Variants in DGKB observed in about 807,000 individuals in gnomAD.
DGKB encodes the protein 90 kDa diacylglycerol kinase.
DGKB carries 67 observed loss-of-function variants against 114.3 expected under a neutral mutation model. That is an observed-to-expected ratio of 0.59 (90% confidence interval 0.48 to 0.72). The LOEUF (loss-of-function observed/expected upper bound fraction) is 0.72, where lower values mean the gene tolerates loss of function less well. Among genes scored for constraint, DGKB ranks in the 30% least tolerant of loss-of-function variants. The probability of loss-of-function intolerance (pLI) is 0.00; values close to 1 mark genes in which losing one functional copy is unlikely to be tolerated. For synonymous variants in DGKB, 398 were observed against 323.1 expected (o/e 1.23, Z -2.49); for missense variants, 907 against 975.2 (o/e 0.93, Z 0.93).
chr7:14,516,754 C>A (rs1788857198), intron 20 of DGKB, among the ~76,000 whole-genome samples: 1 of 152,020 alleles, frequency 6.6e-6, no homozygotes, highest in Non-Finnish European at 1.5e-5. Context: ...AGTAGTATAT[C>A]AGATCAAGGA....
intron 1 of DGKB, among the ~76,000 whole-genome samples, chr7:14,959,334 A>G (rs1786703613): frequency 6.6e-6 from 1 of 151,052 alleles, no homozygotes; most frequent in African/African-American, 2.4e-5. Flanking sequence ...CTGATTTTAT[A>G]CCTAGCTGAC....
intron 23 of DGKB, among the ~76,000 whole-genome samples, chr7:14,236,351 A>AGC (rs1554298719): frequency 6.6e-6 from 1 of 151,026 alleles, no homozygotes; most frequent in African/African-American, 2.4e-5. Flanking sequence ...TAATAAAAAA[A>AGC]AAGCTATTAT....
At chr7:14,605,880 C>A (rs1188504241) in intron 17 of DGKB, among the ~76,000 whole-genome samples, 1 of 152,056 alleles carries the variant, frequency 6.6e-6, no homozygotes. Flanking sequence ...AGGCATTATC[C>A]CATTTAACTT....
At chr7:14,150,080 A>G (rs1373615164) in intron 25 of DGKB, among the ~76,000 whole-genome samples, 1 of 152,156 alleles carries the variant, frequency 6.6e-6, no homozygotes. Context: ...TGACTTTAAG[A>G]TACATTGTAA....
chr7:14,367,227 C>T (rs1377114137), intron 21 of DGKB, among the ~76,000 whole-genome samples: 3 of 152,032 alleles, frequency 2.0e-5, no homozygotes, highest in Admixed American at 6.6e-5. Flanking sequence ...ATGTTTAAGG[C>T]AGGCTAGGTG....
chr7:14,629,641 T>C (rs372052256), intron 14 of DGKB, among the ~76,000 whole-genome samples: 163 of 152,198 alleles, frequency 1.1e-3, no homozygotes, highest in African/African-American at 3.7e-3. Context: ...GCATCATCAA[T>C]GCAAAGGTAA....
intron 20 of DGKB, among the ~76,000 whole-genome samples, chr7:14,543,428 G>A (rs1385735998): frequency 6.6e-6 from 1 of 151,938 alleles, no homozygotes; most frequent in Non-Finnish European, 1.5e-5. Flanking sequence ...GTGGACGACA[G>A]AGTGACACCC....
chr7:14,182,276 A>G (rs1234212870), intron 23 of DGKB, among the ~76,000 whole-genome samples: 1 of 151,926 alleles, frequency 6.6e-6, no homozygotes, highest in African/African-American at 2.4e-5. Context: ...TATATTCATT[A>G]TGTCAAATTT....
intron 5 of DGKB, among the ~76,000 whole-genome samples, chr7:14,734,884 C>A (rs1235254304): frequency 1.3e-5 from 2 of 152,174 alleles, no homozygotes; most frequent in South Asian, 2.1e-4. Context: ...TTCTTCATTG[C>A]CAGTGGATTC....
chr7:14,347,015 A>T (rs1273651463), intron 21 of DGKB, among the ~76,000 whole-genome samples: 2 of 152,012 alleles, frequency 1.3e-5, no homozygotes, highest in African/African-American at 4.8e-5. Flanking sequence ...TAATGAGAAC[A>T]CTCTCTCTGT....
intron 2 of DGKB, among the ~76,000 whole-genome samples, chr7:14,839,547 G>T (rs562347558): frequency 6.6e-6 from 1 of 151,320 alleles, no homozygotes; most frequent in Admixed American, 6.6e-5. Context: ...GACTACATGT[G>T]CATGCCAGCC....
chr7:14,971,373 C>T (rs540189402), intron 1 of DGKB, among the ~76,000 whole-genome samples: 4 of 152,236 alleles, frequency 2.6e-5, no homozygotes, highest in East Asian at 1.9e-4. Flanking sequence ...TTCCTACCTC[C>T]GTTTCCACTT....
rs184627213 is a variant in DGKB, at chr7:14,566,969, T to C, written c.1770+7243A>G. ...TTGTTTTCTTTCACAGCATTTATCA[T>C]AATTTTCAAAAATGTTGTATTTGTG... On this transcript the variant is annotated intron_variant, in intron 20 of 25. Transcript: ENST00000402815. 4.7e-5 allele frequency among the ~76,000 whole-genome samples: 7 copies of C among 149,346 alleles called. 1 individual carries two copies. The highest frequency in any genetic ancestry group is 1.5e-4 in the African/African-American group (6 of 40,530).
At chr7:14,250,314 C>G (rs1299990436) in intron 23 of DGKB, among the ~76,000 whole-genome samples, 2 of 151,814 alleles carry the variant, frequency 1.3e-5, no homozygotes, top group Middle Eastern at 3.2e-3. Flanking sequence ...CTTAGAACTG[C>G]TTTTGCCGTA....
intron 23 of DGKB, among the ~76,000 whole-genome samples, chr7:14,236,351 A>C (rs183863479): frequency 4.6e-5 from 7 of 151,026 alleles, no homozygotes; most frequent in African/African-American, 1.2e-4. Context: ...TAATAAAAAA[A>C]AAGCTATTAT....
chr7:14,521,131 C>G (rs1460803864), intron 20 of DGKB, among the ~76,000 whole-genome samples: 1 of 152,040 alleles, frequency 6.6e-6, no homozygotes, highest in Non-Finnish European at 1.5e-5. Flanking sequence ...CCTTCAAACT[C>G]TGTGTGTTGT....
chr7:14,187,545 A>G (rs1748556176), intron 23 of DGKB, among the ~76,000 whole-genome samples: 1 of 152,094 alleles, frequency 6.6e-6, no homozygotes, highest in African/African-American at 2.4e-5. Context: ...GCAAAACTAC[A>G]CTGCTGCCAT....
At chr7:14,200,413 A>C (rs560054600) in intron 23 of DGKB, among the ~76,000 whole-genome samples, 87 of 152,136 alleles carry the variant, frequency 5.7e-4, no homozygotes, top group African/African-American at 2.0e-3. Context: ...GGAATATTTT[A>C]GTGCAACTCA....
At chr7:14,303,449 G>A (rs778362364) in intron 23 of DGKB, among the ~76,000 whole-genome samples, 85 of 151,966 alleles carry the variant, frequency 5.6e-4, no homozygotes, top group Admixed American at 1.2e-3. Context: ...TGTTATTATT[G>A]GTCCTTTTGA....
Sources: gnomAD v4.1 joint callset for allele counts (sites outside exome capture counted in the v4.1 genomes callset) on GRCh38, gnomAD v4.1.1 for gene constraint, MANE v1.5 for transcripts, NCBI Gene and HGNC (gene_info 2026-07-23, HGNC 2026-07-21) for gene names.